MACROD2: variants seen among roughly 807,000 people sequenced by gnomAD.
MACROD2 encodes mono-ADP ribosylhydrolase 2.
A neutral mutation model predicts 70.4 loss-of-function variants in MACROD2; 36 were observed. The observed-to-expected ratio is 0.51, with a 90% CI of 0.39 to 0.68. MACROD2 has a LOEUF of 0.68. MACROD2 is among the 30% of genes least tolerant of loss of function. The probability of loss-of-function intolerance (pLI) is 0.00; values close to 1 mark genes in which losing one functional copy is unlikely to be tolerated. For missense variants in MACROD2, 496 were observed against 538.4 expected, an observed-to-expected ratio of 0.92 and a Z score of 0.78; for synonymous variants, 172 against 178.8, an observed-to-expected ratio of 0.96 and a Z score of 0.30.
intron 8 of MACROD2, among the ~76,000 whole-genome samples, chr20:15,850,729 G>C (rs1263588046): frequency 6.6e-6 from 1 of 152,182 alleles, no homozygotes; most frequent in Non-Finnish European, 1.5e-5. Flanking sequence ...CTCGGAGCCA[G>C]TTTCCTGTCC....
chr20:14,427,584 A>G (rs2083948187), intron 3 of MACROD2, among the ~76,000 whole-genome samples: 1 of 152,064 alleles, frequency 6.6e-6, no homozygotes, highest in African/African-American at 2.4e-5. Context: ...ATCTGTATAC[A>G]TACACAAACA....
At chr20:15,299,727 AGAAG>A (rs2077624398) in intron 6 of MACROD2, among the ~76,000 whole-genome samples, 1 of 152,206 alleles carries the variant, frequency 6.6e-6, no homozygotes, top group Admixed American at 6.5e-5. Flanking sequence ...TCTGCACAAG[AGAAG>A]GAAGTAATTG....
intron 2 of MACROD2, among the ~76,000 whole-genome samples, chr20:14,055,305 T>C (rs756291821): frequency 3.0e-4 from 46 of 152,134 alleles, no homozygotes; most frequent in Non-Finnish European, 4.6e-4. Context: ...TGACTTGTTA[T>C]TCATAGTCTT....
At chr20:14,349,379 C>T (rs1166520486) in intron 3 of MACROD2, among the ~76,000 whole-genome samples, 9 of 150,838 alleles carry the variant, frequency 6.0e-5, no homozygotes, top group Non-Finnish European at 1.2e-4. Context: ...TCCCTTCAAG[C>T]ATTTGTCCTT....
At position 15,014,500 on chromosome 20, in the gene MACROD2, A is replaced by G. The variant is rs143054008; in HGVS notation, c.419-215440A>G. 4.6e-5 allele frequency among the ~76,000 whole-genome samples: 7 copies of G among 152,126 alleles called. No individual in the cohort carries two copies. In the East Asian group the frequency reaches 1.4e-3, roughly 29 times the overall value. Reference sequence around the variant, plus strand: ...ACATCACGTGCACTATACGTTGGAGATGCTTTTAATAACTTGGAGTCAGAG... The same window carrying G: ...ACATCACGTGCACTATACGTTGGAGGTGCTTTTAATAACTTGGAGTCAGAG... On this transcript the variant is annotated intron_variant, in intron 5 of 17. Transcript: ENST00000684519.
chr20:15,041,514 T>C (rs2075356510), intron 5 of MACROD2, among the ~76,000 whole-genome samples: 1 of 152,098 alleles, frequency 6.6e-6, no homozygotes, highest in Admixed American at 6.6e-5. Flanking sequence ...GGCATGATCA[T>C]GGCTTACTGA....
intron 7 of MACROD2, among the ~76,000 whole-genome samples, chr20:15,472,806 T>C (rs1349130447): frequency 6.6e-6 from 1 of 152,214 alleles, no homozygotes; most frequent in Non-Finnish European, 1.5e-5. Context: ...TGCCTTATGC[T>C]TTTCGGGCCC....
chr20:15,152,371 TG>T (rs1168863578), intron 5 of MACROD2, among the ~76,000 whole-genome samples: 2 of 134,724 alleles, frequency 1.5e-5, no homozygotes, highest in Non-Finnish European at 1.6e-5. Flanking sequence ...GGAGAAGAGG[TG>T]GGGGTTCTTG....
intron 8 of MACROD2, among the ~76,000 whole-genome samples, chr20:15,650,710 T>G (rs2146794944): frequency 6.6e-6 from 1 of 152,316 alleles, no homozygotes; most frequent in East Asian, 1.9e-4. Flanking sequence ...TCTGCACCAC[T>G]GATGTTGGAT....
At chr20:15,870,075 C>A (rs192371090) in intron 9 of MACROD2, among the ~76,000 whole-genome samples, 9 of 152,064 alleles carry the variant, frequency 5.9e-5, no homozygotes, top group African/African-American at 1.9e-4. Flanking sequence ...AACTTCTCAA[C>A]CACGTTTCAC....
chr20:14,806,832 G>A (rs983951552), intron 5 of MACROD2, among the ~76,000 whole-genome samples: 6 of 152,078 alleles, frequency 3.9e-5, no homozygotes, highest in Admixed American at 6.6e-5. Context: ...TGGGAAGTTC[G>A]AACTGGGCAG....
chr20:14,929,770 A>G (rs541093710), intron 5 of MACROD2, among the ~76,000 whole-genome samples: 1 of 152,206 alleles, frequency 6.6e-6, no homozygotes, highest in African/African-American at 2.4e-5. Context: ...GTAACAGAAG[A>G]TGCTCTTCTC....
chr20:14,275,960 T>C (rs1024455892), intron 3 of MACROD2, among the ~76,000 whole-genome samples: 7 of 152,116 alleles, frequency 4.6e-5, no homozygotes, highest in Non-Finnish European at 1.0e-4. Context: ...ATGGCAATCA[T>C]TAAAAGTCAG....
intron 5 of MACROD2, among the ~76,000 whole-genome samples, chr20:15,171,635 C>T (rs1376588394): frequency 1.3e-5 from 2 of 152,028 alleles, no homozygotes; most frequent in Non-Finnish European, 1.5e-5. Flanking sequence ...CTCTCTCTCC[C>T]CTCTCTTTCT....
At chr20:15,481,380 G>A (rs182383966) in intron 7 of MACROD2, among the ~76,000 whole-genome samples, 1 of 152,240 alleles carries the variant, frequency 6.6e-6, no homozygotes, top group East Asian at 1.9e-4. Flanking sequence ...GGCAGAGGCT[G>A]GCCAAATTTC....
chr20:14,583,814 A>G (rs190202319), intron 4 of MACROD2, among the ~76,000 whole-genome samples: 197 of 152,314 alleles, frequency 1.3e-3, no homozygotes, highest in African/African-American at 4.6e-3. Flanking sequence ...TTCTAACATG[A>G]TTTCTATAGA....
chr20:15,775,409 C>T (rs1162971566), intron 8 of MACROD2, among the ~76,000 whole-genome samples: 3 of 152,074 alleles, frequency 2.0e-5, no homozygotes, highest in African/African-American at 4.8e-5. Context: ...TCAGGCAGAT[C>T]AGTAGTGTGG....
chr20:15,058,448 A>G (rs540299471), intron 5 of MACROD2, among the ~76,000 whole-genome samples: 68 of 152,300 alleles, frequency 4.5e-4, no homozygotes, highest in African/African-American at 1.5e-3. Flanking sequence ...GATAAATAAT[A>G]TTGTCTTAGC....
At chr20:15,361,496 G>C (rs1185530906) in intron 6 of MACROD2, among the ~76,000 whole-genome samples, 1 of 152,160 alleles carries the variant, frequency 6.6e-6, no homozygotes, top group Non-Finnish European at 1.5e-5. Flanking sequence ...AAATCAAGTA[G>C]AGTGATTCTT....
Sources: allele counts gnomAD v4.1 joint callset (sites outside exome capture counted in the v4.1 genomes callset), GRCh38; gene constraint gnomAD v4.1.1; transcripts MANE v1.5; gene names NCBI Gene and HGNC (gene_info 2026-07-23, HGNC 2026-07-21).